Variants in EPB41 observed in about 807,000 individuals in gnomAD.
EPB41 encodes the protein protein 4.1.
Under a neutral mutation model 108.0 loss-of-function variants are expected in EPB41, and 65 were observed. The ratio of observed to expected loss-of-function variants is 0.60; its 90% CI spans 0.49 to 0.74. The LOEUF (loss-of-function observed/expected upper bound fraction) is 0.74. Ranked by LOEUF, EPB41 falls within the 30% of genes least tolerant of loss-of-function variation. The pLI is 0.00. For synonymous variants in EPB41, 336 were observed against 358.9 expected, an observed-to-expected ratio of 0.94 and a Z score of 0.72; for missense variants, 875 against 1,037.0, an observed-to-expected ratio of 0.84 and a Z score of 2.15.
At chr1:28,906,006 A>C (rs2091795898) in intron 1 of EPB41, among the ~76,000 whole-genome samples, 1 of 151,762 alleles carries the variant, frequency 6.6e-6, no homozygotes, top group South Asian at 2.1e-4. Context: ...TTTAGTAGAG[A>C]TATGGTTTTG....
chr1:28,967,883 C>T (rs2095401777), intron 1 of EPB41, among the ~76,000 whole-genome samples: 1 of 150,152 alleles, frequency 6.7e-6, no homozygotes, highest in Admixed American at 6.7e-5. Context: ...CAGCTCACTG[C>T]AACCTCTGCC....
At chr1:29,028,901 A>T (rs1323847241) in intron 7 of EPB41, among the ~76,000 whole-genome samples, 1 of 151,996 alleles carries the variant, frequency 6.6e-6, no homozygotes, top group Non-Finnish European at 1.5e-5. Flanking sequence ...AACTAGCTGG[A>T]CATGGTGGCA....
intron 17 of EPB41, among the ~76,000 whole-genome samples, chr1:29,105,087 T>C (rs1377471380): frequency 1.3e-5 from 2 of 152,166 alleles, no homozygotes; most frequent in South Asian, 4.1e-4. Context: ...TACAGAACAT[T>C]ACCCCTGAAA....
chr1:29,056,826 G>A (rs1645552028), intron 12 of EPB41, among the ~76,000 whole-genome samples: 1 of 152,010 alleles, frequency 6.6e-6, no homozygotes, highest in Non-Finnish European at 1.5e-5. Flanking sequence ...GTACCCGGCT[G>A]GCCTCAATTC....
chr1:29,057,337 G>A (rs1406778082), intron 12 of EPB41, among the ~76,000 whole-genome samples: 4 of 124,030 alleles, frequency 3.2e-5, no homozygotes, highest in Non-Finnish European at 6.3e-5. Flanking sequence ...GATCGCACCT[G>A]CACTCCAGCC....
intron 1 of EPB41, among the ~76,000 whole-genome samples, chr1:28,959,404 A>G (rs369633416): frequency 9.2e-4 from 140 of 151,944 alleles, no homozygotes; most frequent in African/African-American, 3.3e-3. Context: ...TTTAGTAGAG[A>G]TGGGTTTTCG....
Position 29,033,257 on chromosome 1 carries a change from A to G in EPB41, c.1365+12A>G, listed in dbSNP as rs758989414. The G allele has an allele frequency of 2.5e-6, 4 of 1,613,644 alleles. No homozygotes were observed. Among genetic ancestry groups the G allele is most frequent in the Non-Finnish European group, 3.4e-6 (4 of 1,179,744 alleles). The stretch of plus-strand genomic sequence containing the variant: ...TTCGGCCTGGAGAGGTACAGAATTT[A>G]TATTTCCTTCCTCCCAAACCAGACA... On this transcript the variant is annotated intron_variant, in intron 9 of 20. Coordinates refer to ENST00000343067, the MANE Select transcript of EPB41 (RefSeq NM_001376013.1).
At chr1:28,914,823 T>A (rs2092470840) in intron 1 of EPB41, 55 bp downstream of exon 1, 1 of 151,870 alleles carries the variant, frequency 6.6e-6, no homozygotes, top group South Asian at 1.8e-4. Flanking sequence ...CGTGGAGCTG[T>A]CCCCGTGGGG....
At position 28,987,906 on chromosome 1, in the gene EPB41, G is replaced by GT. The variant is rs781775828; in HGVS notation, c.468+2dup. On this transcript the variant is annotated splice_donor_variant, in intron 2 of 20. Coordinates refer to ENST00000343067, the MANE Select transcript of EPB41 (RefSeq NM_001376013.1). LOFTEE classifies it high-confidence loss of function. ...TTCATTAAGCAGTGCAGAAACACAG[G>GT]TAAGGATGTGTGGATATGGGAGGTG... The GT allele has an allele frequency of 5.0e-6, 8 of 1,613,272 alleles. No individual in the cohort carries two copies. The South Asian group carries it at 7.7e-5, about 16-fold the overall frequency.
intron 16 of EPB41, among the ~76,000 whole-genome samples, chr1:29,078,323 G>GT (rs1654969509): frequency 6.6e-6 from 1 of 152,232 alleles, no homozygotes; most frequent in South Asian, 2.1e-4. Context: ...CCTTTGTACT[G>GT]TTTTGGAGAA....
intron 16 of EPB41, among the ~76,000 whole-genome samples, chr1:29,084,824 T>G (rs1222725685): frequency 6.6e-6 from 1 of 152,206 alleles, no homozygotes; most frequent in Non-Finnish European, 1.5e-5. Context: ...TTAATTCTCC[T>G]GTCACAATTT....
intron 11 of EPB41, among the ~76,000 whole-genome samples, chr1:29,050,205 G>A (rs1240984300): frequency 6.6e-6 from 1 of 152,224 alleles, no homozygotes; most frequent in Non-Finnish European, 1.5e-5. Flanking sequence ...TTCACAGCCA[G>A]AGCTTTTTAT....
At chr1:29,052,040 G>A (rs753271739) in intron 11 of EPB41, among the ~76,000 whole-genome samples, 7 of 152,066 alleles carry the variant, frequency 4.6e-5, no homozygotes, top group Non-Finnish European at 7.4e-5. Context: ...TTATATCCCT[G>A]AAAGAATGAA....
chr1:28,950,982 T>C (rs890635065), intron 1 of EPB41, among the ~76,000 whole-genome samples: 5 of 152,118 alleles, frequency 3.3e-5, no homozygotes, highest in Admixed American at 3.3e-4. Context: ...ATTACAGGCC[T>C]GTGCCACTAC....
chr1:29,107,970 G>A (rs1458682569), intron 17 of EPB41, among the ~76,000 whole-genome samples: 1 of 147,542 alleles, frequency 6.8e-6, no homozygotes, highest in Non-Finnish European at 1.5e-5. Flanking sequence ...TGGAGGTTTC[G>A]GTGAGCTGAG....
intron 16 of EPB41, 55 bp downstream of exon 16, chr1:29,065,213 A>C (rs1647134862): frequency 6.6e-7 from 1 of 1,506,046 alleles, no homozygotes; most frequent in Non-Finnish European, 8.9e-7. Flanking sequence ...AAATGTTTTT[A>C]TGTATTAATA....
At chr1:28,986,642 A>G (rs1053908933) in intron 1 of EPB41, among the ~76,000 whole-genome samples, 8 of 152,136 alleles carry the variant, frequency 5.3e-5, no homozygotes, top group African/African-American at 1.7e-4. Flanking sequence ...AAAATGGGAT[A>G]CCTCTGGCCG....
At chr1:28,977,722 A>T (rs1254479502) in intron 1 of EPB41, among the ~76,000 whole-genome samples, 1 of 152,086 alleles carries the variant, frequency 6.6e-6, no homozygotes, top group East Asian at 1.9e-4. Flanking sequence ...ACTTCTTTAT[A>T]TCTTTTCCTC....
At chr1:28,968,248 G>A (rs1184452713) in intron 1 of EPB41, among the ~76,000 whole-genome samples, 3 of 151,892 alleles carry the variant, frequency 2.0e-5, no homozygotes, top group East Asian at 2.0e-4. Context: ...CCAGCTACTC[G>A]GGAGGCTGAG....
Sources: gnomAD v4.1 joint callset for allele counts (sites outside exome capture counted in the v4.1 genomes callset) on GRCh38, gnomAD v4.1.1 for gene constraint, MANE v1.5 for transcripts, NCBI Gene and HGNC (gene_info 2026-07-23, HGNC 2026-07-21) for gene names.